The following CRADD variants were observed in gnomAD, a reference collection of about 807,000 sequenced individuals.
CRADD encodes death domain-containing protein CRADD.
Under a neutral mutation model 15.5 loss-of-function variants are expected in CRADD, and 9 were observed. That is an observed-to-expected ratio of 0.58 (90% CI 0.35 to 1.01). CRADD has a LOEUF of 1.01. Ranked by LOEUF, CRADD falls within the 50% of genes least tolerant of loss-of-function variation. The pLI, the probability that CRADD is intolerant of heterozygous loss-of-function variation, is 0.02. For synonymous variants in CRADD, 118 were observed against 107.6 expected (o/e 1.10, Z -0.60); for missense variants, 227 against 250.3 (o/e 0.91, Z 0.63).
chr12:93,829,583 C>T (rs1420928182), intron 2 of CRADD, among the ~76,000 whole-genome samples: 6 of 152,174 alleles, frequency 3.9e-5, no homozygotes, highest in Non-Finnish European at 5.9e-5. Context: ...AACACATCTA[C>T]GGGCCAAATT....
intron 2 of CRADD, among the ~76,000 whole-genome samples, chr12:93,869,624 CTGAAAAATACAATACCTGAAA>C (rs1314884227): frequency 2.0e-5 from 3 of 152,058 alleles, no homozygotes; most frequent in Admixed American, 1.3e-4. Flanking sequence ...AATCTCAGAA[CTGAAAAATACAATACCTGAAA>C]TGAAAAATAC....
At chr12:93,769,997 C>A (rs371394122) in intron 2 of CRADD, among the ~76,000 whole-genome samples, 9 of 152,188 alleles carry the variant, frequency 5.9e-5, no homozygotes, top group African/African-American at 2.2e-4. Flanking sequence ...TTAATGTTGT[C>A]CAACTTACCA....
intron 2 of CRADD, among the ~76,000 whole-genome samples, chr12:93,715,459 T>G (rs1319794564): frequency 6.6e-6 from 1 of 152,170 alleles, no homozygotes; most frequent in Non-Finnish European, 1.5e-5. Context: ...ACAGTGGGCC[T>G]CTACCATAGA....
intron 2 of CRADD, among the ~76,000 whole-genome samples, chr12:93,786,768 C>T (rs548677922): frequency 4.6e-5 from 7 of 152,254 alleles, no homozygotes; most frequent in South Asian, 2.1e-4. Flanking sequence ...TGAGGAAACA[C>T]GAGACATCAT....
intron 2 of CRADD, among the ~76,000 whole-genome samples, chr12:93,705,410 G>A (rs183638486): frequency 1.3e-3 from 193 of 152,328 alleles, no homozygotes; most frequent in Non-Finnish European, 2.3e-3. Context: ...CATTTCAGAT[G>A]GGAAAGATAA....
chr12:93,735,401 T>C (rs116406299), intron 2 of CRADD, among the ~76,000 whole-genome samples: 141 of 152,206 alleles, frequency 9.3e-4, no homozygotes, highest in African/African-American at 3.3e-3. Flanking sequence ...CTAGGGAAAA[T>C]AGAATAAACC....
intron 2 of CRADD, among the ~76,000 whole-genome samples, chr12:93,777,015 G>T (rs1228569000): frequency 2.6e-5 from 4 of 152,124 alleles, no homozygotes; most frequent in African/African-American, 9.7e-5. Context: ...ACTTTAAATG[G>T]GTGAATTTTA....
intron 2 of CRADD, among the ~76,000 whole-genome samples, chr12:93,866,832 A>G (rs1232550030): frequency 6.6e-6 from 1 of 152,168 alleles, no homozygotes; most frequent in African/African-American, 2.4e-5. Context: ...CTAGTGATGG[A>G]AGAGGGCCAT....
downstream of CRADD, among the ~76,000 whole-genome samples, chr12:93,854,838 A>G (rs1246575015): frequency 6.6e-6 from 1 of 152,250 alleles, no homozygotes; most frequent in Non-Finnish European, 1.5e-5. Context: ...CCGGGCTTAA[A>G]GTATTAATAA....
At chr12:93,823,537 G>A (rs1332982251) in intron 2 of CRADD, among the ~76,000 whole-genome samples, 2 of 152,170 alleles carry the variant, frequency 1.3e-5, no homozygotes, top group South Asian at 4.1e-4. Context: ...GTAGAAAGCT[G>A]TTTTCTTTTT....
chr12:93,856,366 A>G (rs1219272433), intron 2 of CRADD, among the ~76,000 whole-genome samples: 2 of 152,362 alleles, frequency 1.3e-5, no homozygotes, highest in South Asian at 2.1e-4. Context: ...ACAAAACACT[A>G]TGCAAGTTAC....
At chr12:93,846,588 A>ACACACGCGCG (rs1555228775) in intron 2 of CRADD, 4 of 140,338 alleles carry the variant, frequency 2.9e-5, no homozygotes, top group African/African-American at 1.0e-4. Flanking sequence ...CAGAACACAC[A>ACACACGCGCG]CACACACACA....
At chr12:93,741,556 T>C (rs1266336105) in intron 2 of CRADD, among the ~76,000 whole-genome samples, 1 of 152,230 alleles carries the variant, frequency 6.6e-6, no homozygotes, top group Non-Finnish European at 1.5e-5. Context: ...CAAAATTCTT[T>C]AAATATGAAA....
chr12:93,775,752 G>A (rs61929025), intron 2 of CRADD, among the ~76,000 whole-genome samples: 4,231 of 152,166 alleles, frequency 0.028, 88 homozygotes, highest in South Asian at 0.044. Flanking sequence ...GTTGCCAGGG[G>A]TCGATTATGA....
chr12:93,791,323 TG>T (rs1957346847), intron 2 of CRADD, among the ~76,000 whole-genome samples: 1 of 152,050 alleles, frequency 6.6e-6, no homozygotes, highest in African/African-American at 2.4e-5. Flanking sequence ...ATACACACAA[TG>T]GAATACTATT....
At chr12:93,860,533 G>A (rs1431027929) in intron 2 of CRADD, among the ~76,000 whole-genome samples, 2 of 152,176 alleles carry the variant, frequency 1.3e-5, no homozygotes, top group Admixed American at 1.3e-4. Context: ...GGCAGGAAGA[G>A]CCAGGCAAAG....
At chr12:93,715,976 AC>A (rs1354000485) in intron 2 of CRADD, among the ~76,000 whole-genome samples, 10 of 152,044 alleles carry the variant, frequency 6.6e-5, no homozygotes, top group African/African-American at 2.4e-4. Flanking sequence ...ATACAAAAAT[AC>A]AAAAATTAGC....
chr12:93,678,734 T>C (rs1482619813), intron 1 of CRADD, 35 bp from the exon 2 acceptor site: 1 of 1,588,442 alleles, frequency 6.3e-7, no homozygotes, highest in Non-Finnish European at 8.6e-7. Flanking sequence ...CATCAACATG[T>C]CTGTAATTTG....
At chr12:93,817,369 G>A (rs566521148) in intron 2 of CRADD, among the ~76,000 whole-genome samples, 1 of 152,200 alleles carries the variant, frequency 6.6e-6, no homozygotes, top group Non-Finnish European at 1.5e-5. Context: ...GCTTAACCAG[G>A]CAAAGTGCTT....
Sources: allele counts gnomAD v4.1 joint callset (sites outside exome capture counted in the v4.1 genomes callset), GRCh38; gene constraint gnomAD v4.1.1; transcripts MANE v1.5; gene names NCBI Gene and HGNC (gene_info 2026-07-23, HGNC 2026-07-21).